Variants in KCTD8 observed in about 807,000 individuals in gnomAD.
KCTD8 encodes potassium channel tetramerization domain containing 8.
KCTD8 carries 27 observed loss-of-function variants against 31.5 expected under a neutral mutation model. The ratio of observed to expected loss-of-function variants is 0.86; its 90% confidence interval spans 0.63 to 1.18. The LOEUF (loss-of-function observed/expected upper bound fraction) is 1.18. Ranked by LOEUF, KCTD8 falls within the 50% of genes most tolerant of loss-of-function variation. The probability of loss-of-function intolerance (pLI) is 0.00; values close to 1 mark genes in which losing one functional copy is unlikely to be tolerated. For synonymous variants in KCTD8, 290 were observed against 280.0 expected, an observed-to-expected ratio of 1.04 and a Z score of -0.36; for missense variants, 658 against 647.7, an observed-to-expected ratio of 1.02 and a Z score of -0.17.
chr4:44,396,556 A>G (rs886455703), intron 1 of KCTD8, among the ~76,000 whole-genome samples: 2 of 151,826 alleles, frequency 1.3e-5, no homozygotes, highest in Non-Finnish European at 2.9e-5. Context: ...CAACTTTTTC[A>G]TGTTTTTTTC....
At chr4:44,275,670 G>T (rs941357304) in intron 1 of KCTD8, among the ~76,000 whole-genome samples, 1 of 152,068 alleles carries the variant, frequency 6.6e-6, no homozygotes, top group Non-Finnish European at 1.5e-5. Context: ...GCTTCTTTAT[G>T]ATGTCCTTTA....
Position 44,175,929 on chromosome 4 carries a change from A to G in KCTD8, c.962-679T>C, listed in dbSNP as rs541714652. Among the ~76,000 whole-genome samples, 9 of 152,354 alleles carry G rather than the reference A, an allele frequency of 5.9e-5. No individual in the cohort carries two copies. In the South Asian group the frequency reaches 1.9e-3, roughly 32 times the overall value. Reference sequence around the variant, plus strand: ...AAATATGGTATTCTCTTAAAATATAAGGCCTACCATTTGAGGTAAATTACT... The same window carrying G: ...AAATATGGTATTCTCTTAAAATATAGGGCCTACCATTTGAGGTAAATTACT... On this transcript the variant is annotated intron_variant, in intron 1 of 1. Coordinates refer to ENST00000360029, the MANE Select transcript of KCTD8 (RefSeq NM_198353.3).
At chr4:44,436,996 T>A (rs6835800) in intron 1 of KCTD8, among the ~76,000 whole-genome samples, 127,043 of 151,746 alleles carry the variant, frequency 0.84, 53,414 homozygotes, top group South Asian at 0.9. Context: ...TACATTACTC[T>A]AGATTTTTGT....
chr4:44,204,184 A>G (rs1185368144), intron 1 of KCTD8, among the ~76,000 whole-genome samples: 1 of 152,178 alleles, frequency 6.6e-6, no homozygotes, highest in Non-Finnish European at 1.5e-5. Flanking sequence ...TAAACAAGAA[A>G]TTGGGAAGAA....
chr4:44,382,375 C>T (rs1411204532), intron 1 of KCTD8, among the ~76,000 whole-genome samples: 2 of 152,004 alleles, frequency 1.3e-5, no homozygotes, highest in African/African-American at 2.4e-5. Flanking sequence ...CCATATATGA[C>T]AAACCCATGT....
intron 1 of KCTD8, among the ~76,000 whole-genome samples, chr4:44,213,866 A>G (rs948361610): frequency 6.6e-6 from 1 of 152,170 alleles, no homozygotes; most frequent in African/African-American, 2.4e-5. Context: ...GGTTATGTTG[A>G]GAAACCACAG....
intron 1 of KCTD8, among the ~76,000 whole-genome samples, chr4:44,436,986 T>A (rs1246445288): frequency 6.6e-6 from 1 of 151,616 alleles, no homozygotes; most frequent in Admixed American, 6.6e-5. Context: ...CCCTAAATAT[T>A]ACATTACTCT....
chr4:44,292,388 C>A (rs1372829010), intron 1 of KCTD8, among the ~76,000 whole-genome samples: 1 of 151,986 alleles, frequency 6.6e-6, no homozygotes, highest in Admixed American at 6.6e-5. Flanking sequence ...AACTAAATAC[C>A]ACATGTTCTC....
intron 1 of KCTD8, among the ~76,000 whole-genome samples, chr4:44,356,663 G>T (rs1458325294): frequency 2.6e-5 from 4 of 152,102 alleles, no homozygotes; most frequent in Non-Finnish European, 5.9e-5. Context: ...TAGAGACAGG[G>T]TTCCTACCAT....
chr4:44,222,251 T>C (rs964125641), intron 1 of KCTD8, among the ~76,000 whole-genome samples: 1 of 152,216 alleles, frequency 6.6e-6, no homozygotes, highest in Non-Finnish European at 1.5e-5. Flanking sequence ...TATCTTTGTT[T>C]GCTGAGTTGA....
chr4:44,293,593 T>C, intron 1 of KCTD8: 1 of 358,494 alleles, frequency 2.8e-6, no homozygotes, highest in Non-Finnish European at 5.4e-6. Flanking sequence ...ATTTATTATT[T>C]TAGATGCTAG....
At chr4:44,375,526 C>G (rs1475484994) in intron 1 of KCTD8, among the ~76,000 whole-genome samples, 2 of 152,116 alleles carry the variant, frequency 1.3e-5, no homozygotes, top group African/African-American at 4.8e-5. Flanking sequence ...GAGCCAAAGA[C>G]CCCTGGGCTT....
chr4:44,317,809 T>A (rs1046486672), intron 1 of KCTD8, among the ~76,000 whole-genome samples: 1 of 152,250 alleles, frequency 6.6e-6, no homozygotes, highest in East Asian at 1.9e-4. Context: ...ACTTCTGTGA[T>A]ACTTCTTTCT....
intron 1 of KCTD8, among the ~76,000 whole-genome samples, chr4:44,410,406 G>A (rs1720926617): frequency 6.6e-6 from 1 of 152,104 alleles, no homozygotes; most frequent in Non-Finnish European, 1.5e-5. Flanking sequence ...TCATGCAATA[G>A]TCTCAATCAC....
At chr4:44,289,681 G>A (rs1717211845) in intron 1 of KCTD8, among the ~76,000 whole-genome samples, 1 of 152,152 alleles carries the variant, frequency 6.6e-6, no homozygotes. Context: ...CATTTTAACT[G>A]GTGGGGGTGT....
At chr4:44,201,686 C>A (rs2109339426) in intron 1 of KCTD8, among the ~76,000 whole-genome samples, 1 of 152,154 alleles carries the variant, frequency 6.6e-6, no homozygotes, top group South Asian at 2.1e-4. Context: ...AGACCCCAGA[C>A]TATTAAAATC....
chr4:44,439,025 G>C (rs977489490), intron 1 of KCTD8, among the ~76,000 whole-genome samples: 1 of 152,182 alleles, frequency 6.6e-6, no homozygotes, highest in Non-Finnish European at 1.5e-5. Flanking sequence ...ATCTGATTTA[G>C]AAGTATTAAA....
At chr4:44,264,293 T>C (rs959403042) in intron 1 of KCTD8, among the ~76,000 whole-genome samples, 1 of 152,196 alleles carries the variant, frequency 6.6e-6, no homozygotes, top group Non-Finnish European at 1.5e-5. Context: ...CCCTAATATT[T>C]GGGTCAGAAT....
chr4:44,442,662 C>T (rs540908104), intron 1 of KCTD8, among the ~76,000 whole-genome samples: 2 of 152,128 alleles, frequency 1.3e-5, no homozygotes, highest in Non-Finnish European at 2.9e-5. Context: ...ATCATTTTCA[C>T]ATTTTTAAAC....
Sources: allele counts gnomAD v4.1 joint callset (sites outside exome capture counted in the v4.1 genomes callset), GRCh38; gene constraint gnomAD v4.1.1; transcripts MANE v1.5; gene names NCBI Gene and HGNC (gene_info 2026-07-23, HGNC 2026-07-21).